Variants in PRDM2 observed in about 807,000 individuals in gnomAD.
PRDM2 encodes the protein PR domain zinc finger protein 2.
Under a neutral mutation model 130.0 loss-of-function variants are expected in PRDM2, and 30 were observed. That is an observed-to-expected ratio of 0.23 (90% CI 0.17 to 0.31). PRDM2 has a LOEUF of 0.31. Among genes scored for constraint, PRDM2 ranks in the 10% least tolerant of loss-of-function variants. PRDM2 has a pLI of 1.00. For synonymous variants in PRDM2, 871 were observed against 782.4 expected (o/e 1.11, Z -1.89); for missense variants, 2,011 against 2,108.4 (o/e 0.95, Z 0.90).
At chr1:13,807,648 C>T (rs1215306909) in intron 8 of PRDM2, among the ~76,000 whole-genome samples, 2 of 152,070 alleles carry the variant, frequency 1.3e-5, no homozygotes, top group East Asian at 1.9e-4. Flanking sequence ...CAGCCTGTGC[C>T]GAGTCCCTGA....
At position 13,747,371 on chromosome 1, in the gene PRDM2, A is replaced by G. The variant is rs117115002; in HGVS notation, c.385-1990A>G. On this transcript the variant is annotated intron_variant, in intron 5 of 9. Coordinates refer to ENST00000311066, the MANE Select transcript of PRDM2 (RefSeq NM_001393986.1). ...ACATTTGGAATTTACACAATCTAGA[A>G]ACAGTTTACTTTAACATAAGCCTGT... is the stretch of plus-strand genomic sequence containing the variant. Among the ~76,000 whole-genome samples, 12 of 152,374 alleles carry G rather than the reference A, an allele frequency of 7.9e-5. No individual in the cohort carries two copies. In the East Asian group the frequency reaches 2.3e-3, roughly 29 times the overall value.
chr1:13,779,806 A>G lies in PRDM2; in HGVS notation c.2011A>G (p.Ile671Val), dbSNP rs765327486. ...TTGCTCTTTAAGTCTTCCTCTTAGC[A>G]TATCAACAACAGAGGCAGTGTCTTT... The part of the protein sequence containing the change: ...PSCSLSLPLS[I>V]STTEAVSFHK... Residue 671 changes from isoleucine to valine, a missense_variant, in exon 8 of 10, where the codon ATA (isoleucine) becomes GTA (valine). By Grantham distance (29) the Ile-to-Val change is conservative. Coordinates refer to ENST00000311066, the MANE Select transcript of PRDM2 (RefSeq NM_001393986.1). The surrounding 1 kb of genome is among the most constrained non-coding windows in gnomAD (Gnocchi z 4.9). 48 of 1,614,236 alleles carry G rather than the reference A, an allele frequency of 3.0e-5. 3 individuals are homozygous for G. In the South Asian group the frequency reaches 4.5e-4, roughly 15 times the overall value.
At chr1:13,807,437 C>T (rs1308930988) in intron 8 of PRDM2, among the ~76,000 whole-genome samples, 1 of 152,142 alleles carries the variant, frequency 6.6e-6, no homozygotes, top group Non-Finnish European at 1.5e-5. Context: ...TAAACAATAA[C>T]CAGTAAACGC....
intron 6 of PRDM2, among the ~76,000 whole-genome samples, chr1:13,764,139 G>A (rs1644168455): frequency 6.6e-6 from 1 of 152,116 alleles, no homozygotes; most frequent in Admixed American, 6.5e-5. Context: ...CTGAGAGTAA[G>A]CAATTCTCGA....
chr1:13,746,546 T>C (rs899586664), intron 5 of PRDM2, among the ~76,000 whole-genome samples: 3 of 150,512 alleles, frequency 2.0e-5, no homozygotes, highest in East Asian at 1.9e-4. Flanking sequence ...ATTTATTTAT[T>C]TATTTATTTA....
intron 6 of PRDM2, among the ~76,000 whole-genome samples, chr1:13,767,520 G>A (rs1644256514): frequency 6.7e-6 from 1 of 148,614 alleles, no homozygotes; most frequent in Admixed American, 6.7e-5. Context: ...TGCCAAGGCT[G>A]GTCTTGAGCC....
At chr1:13,768,630 T>C (rs1392239510) in intron 6 of PRDM2, among the ~76,000 whole-genome samples, 1 of 151,274 alleles carries the variant, frequency 6.6e-6, no homozygotes, top group African/African-American at 2.4e-5. Flanking sequence ...GTGATCCACC[T>C]GCCTCGGCCT....
chr1:13,801,224 A>G (rs1045022872), intron 8 of PRDM2, among the ~76,000 whole-genome samples: 1 of 152,050 alleles, frequency 6.6e-6, no homozygotes, highest in Non-Finnish European at 1.5e-5. Context: ...GCAGGAGGCC[A>G]CTCTCCTGGA....
At chr1:13,710,617 G>A (rs1346992840) in intron 1 of PRDM2, among the ~76,000 whole-genome samples, 1 of 152,148 alleles carries the variant, frequency 6.6e-6, no homozygotes, top group Non-Finnish European at 1.5e-5. Context: ...GGATAGAAGG[G>A]ATATGTTAGA....
intron 8 of PRDM2, among the ~76,000 whole-genome samples, chr1:13,813,823 T>C (rs1312946957): frequency 1.3e-5 from 2 of 152,178 alleles, no homozygotes; most frequent in Non-Finnish European, 2.9e-5. Context: ...GGAGACGCTA[T>C]GGTTGCTGCA....
intron 8 of PRDM2, among the ~76,000 whole-genome samples, chr1:13,789,509 G>A (rs898090197): frequency 4.6e-5 from 7 of 152,046 alleles, no homozygotes; most frequent in East Asian, 3.8e-4. Context: ...AAACCTCCTC[G>A]CTGTCACAGT....
At chr1:13,748,417 ATTTAC>A (rs1046551123) in intron 5 of PRDM2, among the ~76,000 whole-genome samples, 4 of 152,090 alleles carry the variant, frequency 2.6e-5, no homozygotes, top group African/African-American at 9.7e-5. Context: ...TTTCCTTTTT[ATTTAC>A]TTGTTCATTC....
At chr1:13,758,833 A>G (rs982445156) in intron 6 of PRDM2, among the ~76,000 whole-genome samples, 3 of 152,218 alleles carry the variant, frequency 2.0e-5, no homozygotes, top group Non-Finnish European at 4.4e-5. Context: ...TTAAAAGTAC[A>G]TACCATTTTT....
At chr1:13,700,780 G>C (rs1176028073) in intron 1 of PRDM2, among the ~76,000 whole-genome samples, 1 of 152,184 alleles carries the variant, frequency 6.6e-6, no homozygotes, top group Non-Finnish European at 1.5e-5. Context: ...TGTGTCTTGC[G>C]TCTTTGTGTT....
rs1339492301 is a variant in PRDM2 at position 13,749,727 on chromosome 1, T to TGAATCACGGCCGCC, written c.511+242_511+255dup. 2.6e-5 allele frequency among the ~76,000 whole-genome samples: 4 copies of TGAATCACGGCCGCC among 151,838 alleles called. No individual in the cohort carries two copies. The East Asian group carries it at 7.7e-4, about 29-fold the overall frequency. On this transcript the variant is annotated intron_variant, in intron 6 of 9. Coordinates refer to ENST00000311066, the MANE Select transcript of PRDM2 (RefSeq NM_001393986.1). ...CGCCCTGCCGACCCGGCCCCGCTGCTGAATCACGGCCGCCGCGCGCTCGGG... is the reference window on the plus strand; with the variant it reads ...CGCCCTGCCGACCCGGCCCCGCTGCTGAATCACGGCCGCCGAATCACGGCCGCCGCGCGCTCGGG...
chr1:13,818,103 G>T (rs984117952), intron 9 of PRDM2, among the ~76,000 whole-genome samples: 5 of 152,202 alleles, frequency 3.3e-5, no homozygotes, highest in Non-Finnish European at 7.3e-5. Flanking sequence ...TGGTGGGTGG[G>T]TATTGATGGC....
chr1:13,776,838 A>G (rs1644485634), intron 7 of PRDM2, among the ~76,000 whole-genome samples: 1 of 152,038 alleles, frequency 6.6e-6, no homozygotes, highest in South Asian at 2.1e-4. Flanking sequence ...GTCATCTGGG[A>G]CACAATCCTC....
intron 8 of PRDM2, chr1:13,787,284 T>A: frequency 2.0e-6 from 2 of 983,474 alleles, no homozygotes; most frequent in Non-Finnish European, 2.4e-6. Flanking sequence ...TGTACAGATG[T>A]ATGTCTACAC....
Position 13,742,043 on chromosome 1 carries a change from C to T in PRDM2, c.270C>T (p.Ala90=). 1 of 1,593,604 alleles carries T rather than the reference C, an allele frequency of 6.3e-7. No individual in the cohort carries two copies. The highest frequency in any genetic ancestry group is 1.1e-5 in the South Asian group (1 of 90,632). Residue 90 remains alanine (A), a synonymous_variant, in exon 5 of 10, where the codon GCC becomes GCT. Coordinates refer to ENST00000311066, the MANE Select transcript of PRDM2 (RefSeq NM_001393986.1). ...ATTTGGGATGGATGTGCATTGATGCCACTGATCCAGAGAAGGGAAACTGGC... is the reference window on the plus strand; with the variant it reads ...ATTTGGGATGGATGTGCATTGATGCTACTGATCCAGAGAAGGGAAACTGGC... The part of the protein sequence containing the change: ...YPNLGWMCID[A]TDPEKGNWLR...
Sources: allele counts gnomAD v4.1 joint callset (sites outside exome capture counted in the v4.1 genomes callset), GRCh38; gene constraint gnomAD v4.1.1; non-coding constraint Gnocchi (gnomAD v3.1); transcripts MANE v1.5; gene names NCBI Gene and HGNC (gene_info 2026-07-23, HGNC 2026-07-21).